The following KLHL8 variants were observed in gnomAD, a reference collection of about 807,000 sequenced individuals.
KLHL8 encodes the protein kelch like family member 8.
Under a neutral mutation model 63.5 loss-of-function variants are expected in KLHL8, and 38 were observed. The ratio of observed to expected loss-of-function variants is 0.60; its 90% CI spans 0.46 to 0.78. KLHL8 has a LOEUF of 0.78. Among genes scored for constraint, KLHL8 ranks in the 30% least tolerant of loss-of-function variants. The pLI is 0.00. For synonymous variants in KLHL8, 224 were observed against 254.3 expected, an observed-to-expected ratio of 0.88 and a Z score of 1.13; for missense variants, 566 against 752.4, an observed-to-expected ratio of 0.75 and a Z score of 2.90.
At chr4:87,212,560 G>A (rs1266746549) in intron 1 of KLHL8, among the ~76,000 whole-genome samples, 1 of 151,724 alleles carries the variant, frequency 6.6e-6, no homozygotes, top group East Asian at 1.9e-4. Flanking sequence ...CAGCCTAAGC[G>A]ACACAGTGAG....
At chr4:87,237,287 T>C (rs1733249887) in intron 1 of KLHL8, among the ~76,000 whole-genome samples, 2 of 152,216 alleles carry the variant, frequency 1.3e-5, no homozygotes, top group Admixed American at 1.3e-4. Context: ...CATACTTTTC[T>C]AGATAATCAG....
At chr4:87,223,259 C>G (rs113990458), upstream of KLHL8, among the ~76,000 whole-genome samples, 321 of 152,158 alleles carry the variant, frequency 2.1e-3, 2 homozygotes, top group African/African-American at 7.1e-3. Context: ...CAGGTGTAAG[C>G]CACCATTCCT....
intron 2 of KLHL8, among the ~76,000 whole-genome samples, chr4:87,192,324 T>C (rs751414399): frequency 3.3e-5 from 5 of 152,226 alleles, no homozygotes; most frequent in East Asian, 1.9e-4. Flanking sequence ...TGTGAGATGG[T>C]ATCTCTTTGT....
chr4:87,194,227 C>T (rs904154341), intron 2 of KLHL8, among the ~76,000 whole-genome samples: 2 of 152,148 alleles, frequency 1.3e-5, no homozygotes, highest in Non-Finnish European at 2.9e-5. Context: ...CCCATTTTGT[C>T]CTTCTGCCTT....
chr4:87,235,051 C>CATAAA, intron 1 of KLHL8, among the ~76,000 whole-genome samples: 5 of 152,004 alleles, frequency 3.3e-5, no homozygotes, highest in Non-Finnish European at 5.9e-5. Flanking sequence ...TTACAGTAAG[C>CATAAA]TAGGGTTGGT....
At chr4:87,207,764 A>G in intron 1 of KLHL8, 2 of 857,956 alleles carry the variant, frequency 2.3e-6, no homozygotes, top group African/African-American at 1.7e-5. Flanking sequence ...CTGAATGGGA[A>G]GCTCACTGGC....
Position 87,183,235 on chromosome 4 carries a change from G to C in KLHL8, c.920C>G (p.Ser307Cys). The C allele has an allele frequency of 1.9e-6, 3 of 1,611,324 alleles. No individual in the cohort carries two copies. Among genetic ancestry groups the C allele is most frequent in the Non-Finnish European group, 2.5e-6 (3 of 1,178,294 alleles). The change falls in exon 4 of 10, where the codon TCC becomes TGC. Residue 307 changes from serine to cysteine, a missense_variant. By Grantham distance (112) the Ser-to-Cys change is moderately radical (BLOSUM62 -1). Transcript: ENST00000273963. ...SSRAVPDFEY[S>C]IRTTPRKHTA... ...ATGCTTCCTTGGGGTAGTCCGAATG[G>C]AGTATTCAAAGTCAGGTACTGCTCT...
intron 9 of KLHL8, 100 bp from the exon 10 acceptor site, chr4:87,163,742 G>A: frequency 6.5e-7 from 1 of 1,549,424 alleles, no homozygotes; most frequent in Non-Finnish European, 8.8e-7. Flanking sequence ...GGTTTTGTAG[G>A]ACAGCAAGCT....
At position 87,164,028 on chromosome 4, in the gene KLHL8, C is replaced by T. The variant is rs201502223; in HGVS notation, c.1589G>A (p.Arg530Gln). The T allele has an allele frequency of 1.8e-4, 297 of 1,614,082 alleles. 4 individuals carry two copies. The highest frequency in any genetic ancestry group is 1.5e-3 in the South Asian group (140 of 91,072). ...PLSSVERYDP[R>Q]SNKWDYVAAL... ...TGCCACATAATCCCACTTGTTGCTT[C>T]GGGGGTCATACCGCTCAACTGAACT... The change falls in exon 9 of 10, where the codon CGA becomes CAA. Residue 530 changes from arginine to glutamine, a missense_variant. By Grantham distance (43) the Arg-to-Gln change is conservative. Coordinates refer to ENST00000273963, the MANE Select transcript of KLHL8 (RefSeq NM_020803.5).
chr4:87,208,174 C>T, intron 1 of KLHL8: 1 of 369,634 alleles, frequency 2.7e-6, no homozygotes, highest in Non-Finnish European at 5.3e-6. Context: ...CACACTCAGT[C>T]CCCCACTACA....
intron 8 of KLHL8, 61 bp downstream of exon 8, chr4:87,170,018 C>T: frequency 7.6e-7 from 1 of 1,308,256 alleles, no homozygotes; most frequent in Admixed American, 2.0e-5. Context: ...TTTTGTTACT[C>T]TGTTATATGA....
At chr4:87,167,638 C>T (rs1157425643) in intron 8 of KLHL8, 3 of 452,406 alleles carry the variant, frequency 6.6e-6, no homozygotes, top group East Asian at 5.7e-5. Flanking sequence ...CATTCCTTCC[C>T]GTGTACAGAG....
chr4:87,217,005 TGGAGATCTGGGATTCTAATA>T (rs975551928), intron 1 of KLHL8, among the ~76,000 whole-genome samples: 18 of 152,214 alleles, frequency 1.2e-4, no homozygotes, highest in African/African-American at 4.3e-4. Context: ...AGCCAATAAG[TGGAGATCTGGGATTCTAATA>T]GAGAATTGTG....
At chr4:87,206,917 T>C (rs1732152191) in intron 1 of KLHL8, among the ~76,000 whole-genome samples, 1 of 152,142 alleles carries the variant, frequency 6.6e-6, no homozygotes, top group African/African-American at 2.4e-5. Flanking sequence ...CTTAACAATA[T>C]CTATGTATTT....
intron 6 of KLHL8, among the ~76,000 whole-genome samples, chr4:87,172,342 G>A (rs1239122707): frequency 6.6e-6 from 1 of 152,148 alleles, no homozygotes; most frequent in African/African-American, 2.4e-5. Context: ...CTTCCCCAGT[G>A]CCTCCAGACA....
intron 5 of KLHL8, among the ~76,000 whole-genome samples, chr4:87,178,193 T>C (rs1730905048): frequency 6.6e-6 from 1 of 152,152 alleles, no homozygotes; most frequent in Non-Finnish European, 1.5e-5. Flanking sequence ...TGATATGTAA[T>C]TATAATTTGA....
intron 1 of KLHL8, among the ~76,000 whole-genome samples, chr4:87,226,098 C>T (rs1578410120): frequency 6.6e-6 from 1 of 152,120 alleles, no homozygotes; most frequent in Non-Finnish European, 1.5e-5. Flanking sequence ...TTTAGAGAAA[C>T]TTTGATTTTC....
At chr4:87,191,076 T>C (rs1473689041) in intron 2 of KLHL8, among the ~76,000 whole-genome samples, 1 of 152,220 alleles carries the variant, frequency 6.6e-6, no homozygotes, top group Non-Finnish European at 1.5e-5. Context: ...TCTCAAGATC[T>C]GCTTTGTATT....
intron 1 of KLHL8, among the ~76,000 whole-genome samples, chr4:87,218,891 C>T (rs1336466709): frequency 6.6e-6 from 1 of 151,936 alleles, no homozygotes; most frequent in Non-Finnish European, 1.5e-5. Flanking sequence ...TGTGCCACCA[C>T]GCTCAGCTAA....
Sources: allele counts gnomAD v4.1 joint callset (sites outside exome capture counted in the v4.1 genomes callset), GRCh38; gene constraint gnomAD v4.1.1; transcripts MANE v1.5; gene names NCBI Gene and HGNC (gene_info 2026-07-23, HGNC 2026-07-21).